The following MGAT4C variants were observed in gnomAD, a reference collection of about 807,000 sequenced individuals.
MGAT4C encodes the protein alpha-1,3-mannosyl-glycoprotein 4-beta-N-acetylglucosaminyltransferase C.
MGAT4C carries 19 observed loss-of-function variants against 40.1 expected under a neutral mutation model. That is an observed-to-expected ratio of 0.47 (90% confidence interval 0.33 to 0.70). The LOEUF (loss-of-function observed/expected upper bound fraction) is 0.70, where lower values mean the gene tolerates loss of function less well. Ranked by LOEUF, MGAT4C falls within the 30% of genes least tolerant of loss-of-function variation. The pLI is 0.02. For synonymous variants in MGAT4C, 181 were observed against 187.1 expected, an observed-to-expected ratio of 0.97 and a Z score of 0.27; for missense variants, 491 against 563.2, an observed-to-expected ratio of 0.87 and a Z score of 1.30.
intron 2 of MGAT4C, among the ~76,000 whole-genome samples, chr12:86,608,761 T>C (rs1392617486): frequency 6.6e-6 from 1 of 152,166 alleles, no homozygotes; most frequent in Non-Finnish European, 1.5e-5. Context: ...ATGTATTTTG[T>C]ACATGGAAAT....
intron 1 of MGAT4C, among the ~76,000 whole-genome samples, chr12:86,084,668 G>T (rs904908117): frequency 6.6e-6 from 1 of 151,392 alleles, no homozygotes; most frequent in Non-Finnish European, 1.5e-5. Context: ...CAGAGTAAAA[G>T]TGTATTTGTA....
At chr12:86,272,782 G>A (rs1404303342) in intron 4 of MGAT4C, among the ~76,000 whole-genome samples, 1 of 152,106 alleles carries the variant, frequency 6.6e-6, no homozygotes, top group Non-Finnish European at 1.5e-5. Flanking sequence ...GAGCCTGGGA[G>A]GTCGAAGCTA....
intron 1 of MGAT4C, among the ~76,000 whole-genome samples, chr12:86,228,261 A>C (rs148696159): frequency 6.6e-6 from 1 of 151,874 alleles, no homozygotes; most frequent in Non-Finnish European, 1.5e-5. Flanking sequence ...TCTAATAGAA[A>C]GAGAGGATAA....
rs111361379 is a variant in MGAT4C, at chr12:86,480,109, T to C, written c.-228-44844A>G. Among the ~76,000 whole-genome samples, 497 of 151,952 alleles carry C rather than the reference T, an allele frequency of 3.3e-3. 2 individuals are homozygous for C. The highest frequency in any genetic ancestry group is 0.012 in the African/African-American group (480 of 41,554). ...ATGATTCAAATTTACACAAATTTAT[T>C]TGGAAGACACAGTCATATTATTTTT... On this transcript the variant is annotated intron_variant, in intron 2 of 7. Transcript: ENST00000548651.
chr12:86,674,493 C>G (rs922268814), intron 2 of MGAT4C, among the ~76,000 whole-genome samples: 3 of 151,984 alleles, frequency 2.0e-5, no homozygotes, highest in Admixed American at 2.0e-4. Flanking sequence ...GTCGAGAGTT[C>G]GAGACCTGCC....
At chr12:86,713,351 A>G (rs1403290443) in intron 2 of MGAT4C, among the ~76,000 whole-genome samples, 1 of 152,088 alleles carries the variant, frequency 6.6e-6, no homozygotes, top group Non-Finnish European at 1.5e-5. Context: ...CAGCTGTTGA[A>G]CATTCAACCA....
At chr12:86,759,548 C>T (rs1029950629) in intron 1 of MGAT4C, among the ~76,000 whole-genome samples, 6 of 151,976 alleles carry the variant, frequency 3.9e-5, no homozygotes, top group African/African-American at 7.2e-5. Context: ...CTAACACTTG[C>T]TATCTTTTAT....
intron 3 of MGAT4C, among the ~76,000 whole-genome samples, chr12:86,355,386 T>C (rs1347500575): frequency 2.6e-5 from 4 of 152,178 alleles, no homozygotes; most frequent in African/African-American, 9.7e-5. Context: ...CAAAAAATAA[T>C]ATTTGAAGAC....
intron 1 of MGAT4C, among the ~76,000 whole-genome samples, chr12:86,198,145 T>C (rs1290349931): frequency 6.6e-6 from 1 of 152,176 alleles, no homozygotes; most frequent in Non-Finnish European, 1.5e-5. Context: ...TATTTAAATA[T>C]GCAGTCTCAA....
intron 3 of MGAT4C, among the ~76,000 whole-genome samples, chr12:86,365,665 C>T (rs1034726123): frequency 5.9e-5 from 9 of 151,748 alleles, no homozygotes; most frequent in South Asian, 2.1e-4. Context: ...CCTGACTTCC[C>T]GCAACATTTC....
chr12:86,432,544 C>T (rs910808394), intron 3 of MGAT4C, among the ~76,000 whole-genome samples: 3 of 151,954 alleles, frequency 2.0e-5, no homozygotes, highest in Non-Finnish European at 2.9e-5. Context: ...AGTTGGGATA[C>T]TTCTTCCCAT....
chr12:86,174,122 CAT>C (rs1353854648), intron 1 of MGAT4C, among the ~76,000 whole-genome samples: 961 of 73,374 alleles, frequency 0.013, 4 homozygotes, highest in Middle Eastern at 0.016. Context: ...CACACACACA[CAT>C]ACACACACAC....
chr12:86,137,478 T>C (rs907552830), intron 1 of MGAT4C, among the ~76,000 whole-genome samples: 4 of 152,194 alleles, frequency 2.6e-5, no homozygotes, highest in Non-Finnish European at 4.4e-5. Context: ...GTGACTGTTA[T>C]TGCCTAAAGT....
At chr12:86,353,724 C>A (rs1237862789) in intron 3 of MGAT4C, among the ~76,000 whole-genome samples, 1 of 152,178 alleles carries the variant, frequency 6.6e-6, no homozygotes, top group Non-Finnish European at 1.5e-5. Flanking sequence ...AATAATCCTT[C>A]TCTCTCATTA....
At chr12:86,254,104 T>G (rs920455650) in intron 1 of MGAT4C, among the ~76,000 whole-genome samples, 2 of 151,962 alleles carry the variant, frequency 1.3e-5, no homozygotes, top group African/African-American at 4.8e-5. Flanking sequence ...AATAGGGCAG[T>G]ACAAGTAACA....
chr12:86,259,220 G>C (rs1225942378), upstream of MGAT4C, among the ~76,000 whole-genome samples: 1 of 151,884 alleles, frequency 6.6e-6, no homozygotes, highest in Non-Finnish European at 1.5e-5. Flanking sequence ...TGGAAAAGTA[G>C]AGATACTAAA....
chr12:86,092,133 G>T (rs1872993516), intron 1 of MGAT4C, among the ~76,000 whole-genome samples: 1 of 152,040 alleles, frequency 6.6e-6, no homozygotes, highest in Admixed American at 6.6e-5. Flanking sequence ...TTTCATTGCA[G>T]ATCAGAATTC....
intron 4 of MGAT4C, among the ~76,000 whole-genome samples, chr12:86,299,212 G>A (rs1222678737): frequency 1.3e-5 from 2 of 152,128 alleles, no homozygotes; most frequent in Non-Finnish European, 2.9e-5. Flanking sequence ...GCCTCCTGGG[G>A]TTCAGTTCAT....
intron 1 of MGAT4C, among the ~76,000 whole-genome samples, chr12:86,137,170 C>T (rs1195021376): frequency 6.6e-6 from 1 of 152,184 alleles, no homozygotes; most frequent in Non-Finnish European, 1.5e-5. Context: ...GCATCCCATT[C>T]ATATTCCTTT....
Sources: gnomAD v4.1 joint callset for allele counts (sites outside exome capture counted in the v4.1 genomes callset) on GRCh38, gnomAD v4.1.1 for gene constraint, MANE v1.5 for transcripts, NCBI Gene and HGNC (gene_info 2026-07-23, HGNC 2026-07-21) for gene names.